UBN2: variants seen among roughly 807,000 people sequenced by gnomAD.
UBN2 encodes the protein ubinuclein-2.
A neutral mutation model predicts 120.2 loss-of-function variants in UBN2; 35 were observed. The ratio of observed to expected loss-of-function variants is 0.29; its 90% confidence interval spans 0.22 to 0.39. The LOEUF is 0.39. Ranked by LOEUF, UBN2 falls within the 10% of genes least tolerant of loss-of-function variation. The probability of loss-of-function intolerance (pLI) is 1.00; values close to 1 mark genes in which losing one functional copy is unlikely to be tolerated. For synonymous variants in UBN2, 661 were observed against 648.7 expected, an observed-to-expected ratio of 1.02 and a Z score of -0.29; for missense variants, 1,693 against 1,663.2, an observed-to-expected ratio of 1.02 and a Z score of -0.31.
At chr7:139,285,453 C>G (rs1797755999) in intron 15 of UBN2, among the ~76,000 whole-genome samples, 1 of 152,180 alleles carries the variant, frequency 6.6e-6, no homozygotes, top group African/African-American at 2.4e-5. Flanking sequence ...ACTAACTGTT[C>G]CACTCCCAAT....
chr7:139,324,134 G>A, the UBN2 span, among the ~76,000 whole-genome samples: 1 of 152,222 alleles, frequency 6.6e-6, no homozygotes, highest in Non-Finnish European at 1.5e-5. Flanking sequence ...CGCTTGAAAG[G>A]CCTACAGTGG....
At chr7:139,245,319 T>C (rs1013055135) in intron 2 of UBN2, among the ~76,000 whole-genome samples, 19 of 152,284 alleles carry the variant, frequency 1.2e-4, no homozygotes, top group African/African-American at 4.6e-4. Flanking sequence ...ATAATTGATA[T>C]GCTTTGTGAA....
At chr7:139,251,804 A>C in intron 2 of UBN2, 152 bp from the exon 3 acceptor site, 1 of 627,326 alleles carries the variant, frequency 1.6e-6, no homozygotes, top group South Asian at 1.9e-5. Flanking sequence ...CAAGTCACTA[A>C]GTGCAATTTG....
At chr7:139,251,894 T>C in intron 2 of UBN2, 62 bp from the exon 3 acceptor site, 1 of 1,515,622 alleles carries the variant, frequency 6.6e-7, no homozygotes, top group Non-Finnish European at 9.2e-7. Context: ...CTAACAGGTC[T>C]TTTTAAACTT....
chr7:139,290,409 G>A (rs1797920711), intron 15 of UBN2, among the ~76,000 whole-genome samples: 1 of 152,196 alleles, frequency 6.6e-6, no homozygotes, highest in Non-Finnish European at 1.5e-5. Context: ...AACATGGAGT[G>A]GTGAAGATTT....
chr7:139,322,619 T>G, the UBN2 span, among the ~76,000 whole-genome samples: 1 of 145,904 alleles, frequency 6.9e-6, no homozygotes, highest in East Asian at 2.0e-4. Context: ...CATCTGGACT[T>G]TTTTTTTTTT....
At chr7:139,319,068 G>GTT in the UBN2 span, among the ~76,000 whole-genome samples, 2 of 151,980 alleles carry the variant, frequency 1.3e-5, no homozygotes, top group Non-Finnish European at 2.9e-5. Flanking sequence ...TTTTGTTGTT[G>GTT]TTGTTTTGTT....
rs1798191155 is a variant in UBN2 at position 139,299,097 on chromosome 7, A to T, written c.*1261A>T. On this transcript the variant is annotated 3_prime_UTR_variant, in exon 18 of 18. Transcript: ENST00000473989. ...CTGCAGAAAATAAGACTCCTTAGTT[A>T]TTATAGCTTCCTTATGCAAATAGCA... The T allele has an allele frequency of 6.6e-6, 1 of 152,206 alleles. No individual in the cohort carries two copies. Among genetic ancestry groups the T allele is most frequent in the African/African-American group, 2.4e-5 (1 of 41,462 alleles). 9.4% of individuals were successfully genotyped at this position (152,206 alleles called of 1,614,324 possible). A position where few individuals can be genotyped will look rare whatever the true frequency, so the allele number is the denominator to read the frequency against.
At chr7:139,276,322 T>G in intron 12 of UBN2, 175 bp downstream of exon 12, 2 of 639,824 alleles carry the variant, frequency 3.1e-6, no homozygotes, top group South Asian at 3.6e-5. Flanking sequence ...GGGTACTCTC[T>G]AAACACCTAC....
At chr7:139,236,797 A>G (rs1055132138) in intron 1 of UBN2, among the ~76,000 whole-genome samples, 2 of 151,780 alleles carry the variant, frequency 1.3e-5, no homozygotes, top group African/African-American at 4.8e-5. Flanking sequence ...GTTGTCTCGT[A>G]TTGGTTAAAT....
Position 139,284,187 on chromosome 7 carries a change from A to T in UBN2, c.3282A>T (p.Pro1094=). The T allele has an allele frequency of 6.2e-7, 1 of 1,614,130 alleles. No homozygotes were observed. Among genetic ancestry groups the T allele is most frequent in the South Asian group, 1.1e-5 (1 of 91,080 alleles). ...CTGTATCCCCAAGTAGTTCCAGTCCAAATGCACTAGTTGCCCAGGGTAGCC... is the reference window on the plus strand; with the variant it reads ...CTGTATCCCCAAGTAGTTCCAGTCCTAATGCACTAGTTGCCCAGGGTAGCC... ...KPTVSPSSSS[P]NALVAQGSHS... The change falls in exon 15 of 18, where the codon CCA becomes CCT. Residue 1094 remains proline, a synonymous_variant. Coordinates refer to ENST00000473989, the MANE Select transcript of UBN2 (RefSeq NM_173569.4).
chr7:139,282,975 A>AT (rs1797658211), intron 14 of UBN2, 49 bp from the exon 15 acceptor site: 1 of 1,372,126 alleles, frequency 7.3e-7, no homozygotes, highest in Non-Finnish European at 9.7e-7. Context: ...TAACTTTGTA[A>AT]TTTTTTATTC....
chr7:139,323,833 C>T, the UBN2 span, among the ~76,000 whole-genome samples: 4 of 151,870 alleles, frequency 2.6e-5, no homozygotes, highest in Non-Finnish European at 4.4e-5. Flanking sequence ...TTTTTTTGTA[C>T]TCATGCAAGT....
Position 139,283,384 on chromosome 7 carries a change from A to G in UBN2, c.2479A>G (p.Thr827Ala). Residue 827 changes from threonine (T) to alanine (A), a missense_variant, in exon 15 of 18, where the codon ACA (threonine) becomes GCA (alanine). Coordinates refer to ENST00000473989, the MANE Select transcript of UBN2 (RefSeq NM_173569.4). ...TPKKLDSTQT[T>A]HSSSLIAGHT... ...CAAAAAACTAGATTCTACTCAGACT[A>G]CACATTCTTCAAGTCTTATTGCTGG... 1 of 1,614,062 alleles carries G rather than the reference A, an allele frequency of 6.2e-7. No individual in the cohort carries two copies. Among genetic ancestry groups the G allele is most frequent in the Non-Finnish European group, 8.5e-7 (1 of 1,180,020 alleles).
rs1475529808 is a variant in UBN2, at chr7:139,298,871, C to T, written c.*1035C>T. 1 of 152,056 alleles carries T rather than the reference C, an allele frequency of 6.6e-6. No homozygotes were observed. The highest frequency in any genetic ancestry group is 1.9e-4 in the East Asian group (1 of 5,196). 9.4% of individuals were successfully genotyped at this position (152,056 alleles called of 1,614,324 possible). A position where few individuals can be genotyped will look rare whatever the true frequency, so the allele number is the denominator to read the frequency against. Reference sequence around the variant, plus strand: ...ATTGGTATAAACAGGTAGAAGTGTACACTATGTTTCTTCATTGGTCATTCA... The same window carrying T: ...ATTGGTATAAACAGGTAGAAGTGTATACTATGTTTCTTCATTGGTCATTCA... On this transcript the variant is annotated 3_prime_UTR_variant, in exon 18 of 18. Coordinates refer to ENST00000473989, the MANE Select transcript of UBN2 (RefSeq NM_173569.4).
the UBN2 span, among the ~76,000 whole-genome samples, chr7:139,315,587 G>A: frequency 6.6e-6 from 1 of 152,126 alleles, no homozygotes; most frequent in South Asian, 2.1e-4. Context: ...TATGAATAAT[G>A]CTCCTATTAA....
intron 8 of UBN2, among the ~76,000 whole-genome samples, chr7:139,271,281 A>G (rs1797266741): frequency 6.6e-6 from 1 of 152,186 alleles, no homozygotes; most frequent in Admixed American, 6.5e-5. Flanking sequence ...TTTCTTTACC[A>G]AAAATCACAT....
intron 2 of UBN2, among the ~76,000 whole-genome samples, chr7:139,244,297 T>C (rs1343373412): frequency 3.3e-5 from 5 of 152,214 alleles, no homozygotes; most frequent in African/African-American, 4.8e-5. Context: ...AATAGTTTGA[T>C]AGTTGAAAGT....
At chr7:139,296,995 A>G (rs1424187562) in intron 17 of UBN2, among the ~76,000 whole-genome samples, 1 of 152,056 alleles carries the variant, frequency 6.6e-6, no homozygotes, top group African/African-American at 2.4e-5. Flanking sequence ...GGAGTTTGAG[A>G]CCACCCTGAC....
Sources: gnomAD v4.1 joint callset for allele counts (sites outside exome capture counted in the v4.1 genomes callset) on GRCh38, gnomAD v4.1.1 for gene constraint, MANE v1.5 for transcripts, NCBI Gene and HGNC (gene_info 2026-07-23, HGNC 2026-07-21) for gene names.